The following MAP3K7CL variants were observed in gnomAD, a reference collection of about 807,000 sequenced individuals.
The protein encoded by MAP3K7CL is MAP3K7 C-terminal-like protein.
Under a neutral mutation model 18.6 loss-of-function variants are expected in MAP3K7CL, and 16 were observed. That is an observed-to-expected ratio of 0.86 (90% CI 0.58 to 1.31). The LOEUF (loss-of-function observed/expected upper bound fraction) is 1.31, where lower values mean the gene tolerates loss of function less well. Ranked by LOEUF, MAP3K7CL falls within the 50% of genes most tolerant of loss-of-function variation. MAP3K7CL has a pLI of 0.00. For synonymous variants in MAP3K7CL, 65 were observed against 66.8 expected, an observed-to-expected ratio of 0.97 and a Z score of 0.13; for missense variants, 163 against 174.4, an observed-to-expected ratio of 0.93 and a Z score of 0.37.
chr21:29,111,132 T>C (rs531283119), intron 4 of MAP3K7CL, among the ~76,000 whole-genome samples: 61 of 152,204 alleles, frequency 4.0e-4, no homozygotes, highest in African/African-American at 1.4e-3. Flanking sequence ...GGTGAGTGCC[T>C]GTAGTCCCAG....
chr21:29,130,224 G>T (rs1264952767), upstream of MAP3K7CL, among the ~76,000 whole-genome samples: 1 of 152,192 alleles, frequency 6.6e-6, no homozygotes, highest in Non-Finnish European at 1.5e-5. Flanking sequence ...AAATCCTAAT[G>T]CTGTATTCTT....
At chr21:29,166,876 A>T (rs147203803) in intron 4 of MAP3K7CL, among the ~76,000 whole-genome samples, 2 of 152,310 alleles carry the variant, frequency 1.3e-5, no homozygotes, top group East Asian at 3.9e-4. Context: ...TTTGTGTACA[A>T]TTTTTGAGGT....
chr21:29,164,844 G>A (rs1488807121), intron 4 of MAP3K7CL, among the ~76,000 whole-genome samples: 1 of 152,004 alleles, frequency 6.6e-6, no homozygotes, highest in East Asian at 1.9e-4. Flanking sequence ...AAGAACTCCT[G>A]CTATCATTTT....
At position 29,159,825 on chromosome 21, in the gene MAP3K7CL, TAAA is replaced by T. The variant is rs60797531; in HGVS notation, c.133-106_133-104del. 1,197 of 609,876 alleles carry T rather than the reference TAAA, an allele frequency of 2.0e-3. 4 individuals carry two copies. The highest frequency in any genetic ancestry group is 0.014 in the African/African-American group (737 of 51,620). The allele number at this position is 609,876 out of a possible 1,614,324, so 37.8% of individuals were successfully genotyped here. A position where few individuals can be genotyped will look rare whatever the true frequency, so the allele number is the denominator to read the frequency against. ...TTGACTGACAATGCTGTTCTCACGT[TAAA>T]AAAAAAAAAGAAGAAGAAAAAACCT... On this transcript the variant is annotated intron_variant, in intron 3 of 4. Transcript: ENST00000399928.
chr21:29,111,671 A>G (rs746588436), intron 4 of MAP3K7CL, among the ~76,000 whole-genome samples: 8 of 152,176 alleles, frequency 5.3e-5, no homozygotes, highest in Non-Finnish European at 1.2e-4. Flanking sequence ...CCTTCTCCAA[A>G]GAATGAAGCC....
chr21:29,123,625 G>A (rs1198379601), intron 4 of MAP3K7CL, among the ~76,000 whole-genome samples: 7 of 152,184 alleles, frequency 4.6e-5, no homozygotes, highest in East Asian at 1.9e-4. Flanking sequence ...TCATGTGTCC[G>A]GACTTTGGAT....
At chr21:29,088,204 T>G (rs1425970013) in intron 1 of MAP3K7CL, among the ~76,000 whole-genome samples, 1 of 152,184 alleles carries the variant, frequency 6.6e-6, no homozygotes, top group Non-Finnish European at 1.5e-5. Flanking sequence ...TTTTTCAGCA[T>G]TTTAACTATG....
chr21:29,157,732 T>TA (rs2087441626), intron 3 of MAP3K7CL, among the ~76,000 whole-genome samples: 3 of 152,158 alleles, frequency 2.0e-5, no homozygotes, highest in African/African-American at 7.2e-5. Context: ...GTGCCAGTAG[T>TA]AAAAAAAGAA....
At position 29,174,722 on chromosome 21, in the gene MAP3K7CL, A is replaced by T; in HGVS notation, c.259A>T (p.Ile87Phe). 1 of 1,614,174 alleles carries T rather than the reference A, an allele frequency of 6.2e-7. No individual in the cohort carries two copies. Among genetic ancestry groups the T allele is most frequent in the Non-Finnish European group, 8.5e-7 (1 of 1,180,016 alleles). ...TLLEQRKKEL[I>F]AKLDQAEKEK... ...ACCCCGAATCTTCAGGAAGGAGCTC[A>T]TTGCCAAGTTAGATCAGGCAGAAAA... The change falls in exon 5 of 5, where the codon ATT (isoleucine) becomes TTT (phenylalanine). Residue 87 changes from isoleucine to phenylalanine, a missense_variant. Ile to Phe is a conservative substitution (Grantham distance 21). Coordinates refer to ENST00000399928, the MANE Select transcript of MAP3K7CL (RefSeq NM_001286620.2).
At chr21:29,101,432 C>T (rs780766923) in intron 4 of MAP3K7CL, among the ~76,000 whole-genome samples, 2 of 152,246 alleles carry the variant, frequency 1.3e-5, no homozygotes, top group South Asian at 2.1e-4. Context: ...TTTTTTGAGA[C>T]GGAGTCTCGC....
upstream of MAP3K7CL, among the ~76,000 whole-genome samples, chr21:29,084,129 G>A (rs575525229): frequency 1.8e-3 from 273 of 150,136 alleles, no homozygotes; most frequent in Middle Eastern, 3.5e-3. Context: ...ATGGTTTGGG[G>A]TTGATTAAAG....
chr21:29,085,806 C>T, upstream of MAP3K7CL: 1 of 1,560,772 alleles, frequency 6.4e-7, no homozygotes, highest in Non-Finnish European at 8.8e-7. Context: ...CTCTCTATAT[C>T]CCCCAGGTGA....
chr21:29,172,829 G>A (rs1336333168), intron 4 of MAP3K7CL, among the ~76,000 whole-genome samples: 1 of 150,696 alleles, frequency 6.6e-6, no homozygotes, highest in Non-Finnish European at 1.5e-5. Flanking sequence ...GTGTTTTGAT[G>A]AGCAACCCCC....
chr21:29,130,560 A>G (rs73192193), upstream of MAP3K7CL: 10,722 of 980,820 alleles, frequency 0.011, 193 homozygotes, highest in East Asian at 0.17. Flanking sequence ...GAATTAAAAC[A>G]TTTGGACTCC....
chr21:29,105,622 G>A (rs562919682), intron 4 of MAP3K7CL, among the ~76,000 whole-genome samples: 8 of 152,250 alleles, frequency 5.3e-5, no homozygotes, highest in African/African-American at 1.9e-4. Flanking sequence ...CCAGATAGAG[G>A]CACAGGGCCA....
intron 4 of MAP3K7CL, among the ~76,000 whole-genome samples, chr21:29,168,165 A>G (rs1008964780): frequency 3.9e-5 from 6 of 152,210 alleles, no homozygotes; most frequent in African/African-American, 1.4e-4. Context: ...TTTCATTAAC[A>G]TAAATACACA....
At chr21:29,130,636 AG>A (rs2086761358), upstream of MAP3K7CL, 1 of 985,340 alleles carries the variant, frequency 1.0e-6, no homozygotes, top group South Asian at 4.7e-5. Flanking sequence ...TGCTTTTTCT[AG>A]AAAGATGACA....
rs777378620 is a variant in MAP3K7CL, at chr21:29,149,210, C to T, written c.92C>T (p.Ser31Phe). The T allele has an allele frequency of 6.2e-7, 1 of 1,613,984 alleles. No individual in the cohort carries two copies. The highest frequency in any genetic ancestry group is 1.3e-5 in the African/African-American group (1 of 75,036). ...TTAGATGATACACCCCCTGAAGACT[C>T]CATTCCTTTGGTCTTTCCAGAATTA... The part of the protein sequence containing the change: ...DASDDTPPED[S>F]IPLVFPELDQ... The change falls in exon 3 of 5, where the codon TCC (serine) becomes TTC (phenylalanine). Residue 31 changes from serine (S) to phenylalanine (F), a missense_variant. By Grantham distance (155) the Ser-to-Phe change is radical (BLOSUM62 -2). Coordinates refer to ENST00000399928, the MANE Select transcript of MAP3K7CL (RefSeq NM_001286620.2).
intron 4 of MAP3K7CL, among the ~76,000 whole-genome samples, chr21:29,163,162 A>G (rs1349851432): frequency 6.6e-6 from 1 of 152,292 alleles, no homozygotes; most frequent in African/African-American, 2.4e-5. Flanking sequence ...TAGAAGTAAC[A>G]TGGCTAGCAG....
Sources: gnomAD v4.1 joint callset for allele counts (sites outside exome capture counted in the v4.1 genomes callset) on GRCh38, gnomAD v4.1.1 for gene constraint, MANE v1.5 for transcripts, NCBI Gene and HGNC (gene_info 2026-07-23, HGNC 2026-07-21) for gene names.